The following FCER2 variants were observed in gnomAD, a reference collection of about 807,000 sequenced individuals.
The protein encoded by FCER2 is low affinity immunoglobulin epsilon Fc receptor.
In FCER2, 38 loss-of-function variants were observed where a neutral mutation model predicts 49.7. The ratio of observed to expected loss-of-function variants is 0.76; its 90% CI spans 0.59 to 1.00. The LOEUF (loss-of-function observed/expected upper bound fraction) is 1.00, where lower values mean the gene tolerates loss of function less well. FCER2 is among the 50% of genes least tolerant of loss of function. FCER2 has a pLI of 0.00. For synonymous variants in FCER2, 163 were observed against 164.6 expected (o/e 0.99, Z 0.07); for missense variants, 425 against 419.5 (o/e 1.01, Z -0.11).
In FCER2 at chr19:7,697,216, C is replaced by T. The variant is rs571262008; in HGVS notation, c.316+20G>A. On this transcript the variant is annotated intron_variant, in intron 6 of 10. Transcript: ENST00000597921. ...CTTCCCACCCAATCTGGCTTCATAACCCCGATCCCAGTCTCTCACCCTGAG... is the reference window on the plus strand; with the variant it reads ...CTTCCCACCCAATCTGGCTTCATAATCCCGATCCCAGTCTCTCACCCTGAG... The T allele has an allele frequency of 1.2e-6, 2 of 1,613,688 alleles. No homozygotes were observed. The highest frequency in any genetic ancestry group is 4.5e-5 in the East Asian group (2 of 44,888).
rs2277993 is a variant in FCER2, at chr19:7,690,685, G to T, written c.470-128C>A. ...CGGCTAAAAGCAGACCCACCCCAGG[G>T]CCTAACAGACAGCCTCACGGGCTGT... is the stretch of plus-strand genomic sequence containing the variant. On this transcript the variant is annotated intron_variant, in intron 8 of 10. Coordinates refer to ENST00000597921, the MANE Select transcript of FCER2 (RefSeq NM_001220500.2). The T allele has an allele frequency of 3.8e-5, 33 of 873,130 alleles. No homozygotes were observed. In the Admixed American group the frequency reaches 8.0e-4, roughly 21 times the overall value. 54.1% of individuals were successfully genotyped at this position (873,130 alleles called of 1,614,324 possible).
chr19:7,691,242 G>A (rs553560233), intron 8 of FCER2, among the ~76,000 whole-genome samples: 2 of 151,748 alleles, frequency 1.3e-5, no homozygotes, highest in South Asian at 2.1e-4. Context: ...CAGCATCATC[G>A]CTACAAGCAC....
intron 8 of FCER2, among the ~76,000 whole-genome samples, chr19:7,693,209 G>GTCA (rs1281643123): frequency 6.6e-6 from 1 of 152,090 alleles, no homozygotes; most frequent in Non-Finnish European, 1.5e-5. Flanking sequence ...AACAGCCCTG[G>GTCA]TCATCATCAC....
At chr19:7,691,777 A>G (rs1032311209) in intron 8 of FCER2, among the ~76,000 whole-genome samples, 16 of 151,386 alleles carry the variant, frequency 1.1e-4, no homozygotes, top group Non-Finnish European at 2.2e-4. Flanking sequence ...ATCATCATAA[A>G]TACACCCATG....
chr19:7,691,679 AC>A (rs1258604081), intron 8 of FCER2, among the ~76,000 whole-genome samples: 2 of 152,106 alleles, frequency 1.3e-5, no homozygotes, highest in Non-Finnish European at 2.9e-5. Context: ...CAAAAATGCC[AC>A]CAACACCATC....
At chr19:7,698,455 G>C in intron 3 of FCER2, 46 bp from the exon 4 acceptor site, 6 of 1,411,700 alleles carry the variant, frequency 4.3e-6, no homozygotes, top group Non-Finnish European at 6.0e-6. Context: ...GATTGTCAGT[G>C]CCCCCACCTG....
chr19:7,699,310 T>G, intron 2 of FCER2: 1 of 994,578 alleles, frequency 1.0e-6, no homozygotes. Flanking sequence ...CCTCCAAACC[T>G]CTCCCAGACC....
At chr19:7,695,587 GCAA>G (rs2032989227) in intron 8 of FCER2, among the ~76,000 whole-genome samples, 1 of 151,904 alleles carries the variant, frequency 6.6e-6, no homozygotes, top group African/African-American at 2.4e-5. Context: ...ACCAGCCTGG[GCAA>G]CATAGCGAGA....
At chr19:7,699,588 G>C in intron 2 of FCER2, 151 bp downstream of exon 2, 1 of 1,163,594 alleles carries the variant, frequency 8.6e-7, no homozygotes, top group Non-Finnish European at 1.2e-6. Flanking sequence ...AAGTCAGTCC[G>C]GCCTCACCTC....
In FCER2 at chr19:7,688,905, G is replaced by A. The variant is rs549799511; in HGVS notation, c.*288C>T. ...CATCTGGAGAGGGTGCTGTTGGGGTGTACTCTCATCTGGAGAGGGTGCTGT... is the reference window on the plus strand; with the variant it reads ...CATCTGGAGAGGGTGCTGTTGGGGTATACTCTCATCTGGAGAGGGTGCTGT... On this transcript the variant is annotated 3_prime_UTR_variant, in exon 11 of 11. Transcript: ENST00000597921. The A allele has an allele frequency of 9.1e-6, 4 of 439,114 alleles. No individual in the cohort carries two copies. In the Admixed American group the frequency reaches 1.2e-4, roughly 13 times the overall value. The allele number at this position is 439,114 out of a possible 1,614,324, so 27.2% of individuals were successfully genotyped here.
chr19:7,695,678 A>C (rs766602802), intron 8 of FCER2, among the ~76,000 whole-genome samples: 2 of 152,150 alleles, frequency 1.3e-5, no homozygotes, highest in Non-Finnish European at 2.9e-5. Context: ...GCACTTTGGG[A>C]GACTGAGGCG....
At position 7,698,773 on chromosome 19, in the gene FCER2, C is replaced by T. The variant is rs762556859; in HGVS notation, c.104G>A (p.Trp35Ter). ...VLLGLVTAALWAGLLTLLLLW... is the reference protein window; with the variant it reads ...VLLGLVTAAL ...GAGAAGCAGAGTCAGCAGCCCAGCC[C>T]ACAGAGCGGCGGTCACCAGCCCCAG... is the stretch of plus-strand genomic sequence containing the variant. The change falls in exon 3 of 11, where the codon TGG (tryptophan) becomes TAG (stop). Residue 35 changes from tryptophan (W) to a stop codon, truncating the protein, a stop_gained. Coordinates refer to ENST00000597921, the MANE Select transcript of FCER2 (RefSeq NM_001220500.2). LOFTEE classifies it high-confidence loss of function. 6.2e-7 allele frequency: 1 copy of T among 1,613,134 alleles called. No individual in the cohort carries two copies. The highest frequency in any genetic ancestry group is 8.5e-7 in the Non-Finnish European group (1 of 1,179,632).
chr19:7,695,581 G>A (rs1274054260), intron 8 of FCER2, among the ~76,000 whole-genome samples: 1 of 151,922 alleles, frequency 6.6e-6, no homozygotes, highest in African/African-American at 2.4e-5. Flanking sequence ...TTCAGGACCA[G>A]CCTGGGCAAC....
chr19:7,696,788 G>A (rs1434911184), intron 8 of FCER2, 37 bp downstream of exon 8: 2 of 1,497,814 alleles, frequency 1.3e-6, no homozygotes, highest in Admixed American at 2.0e-5. Flanking sequence ...CCCAGGTGAG[G>A]TCACGCGTCG....
intron 8 of FCER2, among the ~76,000 whole-genome samples, chr19:7,693,430 C>G (rs12982518): frequency 0.5 from 74,799 of 150,044 alleles, 18,687 homozygotes; most frequent in Middle Eastern, 0.54. Flanking sequence ...GTTAAACCCA[C>G]TCTTACTGGA....
At chr19:7,690,056 A>C (rs4996978) in intron 10 of FCER2, 103 bp downstream of exon 10, 232,008 of 770,872 alleles carry the variant, frequency 0.3, 40,112 homozygotes, top group African/African-American at 0.59. Context: ...AGAGACCCTT[A>C]TCTCTGAGCC....
chr19:7,698,552 G>C, intron 3 of FCER2, 143 bp from the exon 4 acceptor site: 1 of 868,548 alleles, frequency 1.2e-6, no homozygotes, highest in South Asian at 1.6e-5. Flanking sequence ...GATGCTGGGT[G>C]TGGGGTGAGG....
intron 1 of FCER2, among the ~76,000 whole-genome samples, chr19:7,700,661 C>G (rs376750001): frequency 6.6e-6 from 1 of 151,444 alleles, no homozygotes; most frequent in Non-Finnish European, 1.5e-5. Context: ...ACTATAGGCA[C>G]GTGCCACCAT....
At position 7,689,269 on chromosome 19, in the gene FCER2, G is replaced by T; in HGVS notation, c.890C>A (p.Ala297Glu). ...TCTTGAATCAGGTCCCATGGACTCC[G>T]CGGAACCTTCGCTGGCTGGCGGCGT... is the stretch of plus-strand genomic sequence containing the variant. The part of the protein sequence containing the change: ...TCTPPASEGS[A>E]ESMGPDSRPD... The change falls in exon 11 of 11, where the codon GCG becomes GAG. Residue 297 changes from alanine to glutamate, a missense_variant. By Grantham distance (107) the Ala-to-Glu change is moderately radical (BLOSUM62 -1). Transcript: ENST00000597921. 1 of 1,613,824 alleles carries T rather than the reference G, an allele frequency of 6.2e-7. No individual in the cohort carries two copies. The highest frequency in any genetic ancestry group is 8.5e-7 in the Non-Finnish European group (1 of 1,179,902).
Sources: gnomAD v4.1 joint callset for allele counts (sites outside exome capture counted in the v4.1 genomes callset) on GRCh38, gnomAD v4.1.1 for gene constraint, MANE v1.5 for transcripts, NCBI Gene and HGNC (gene_info 2026-07-23, HGNC 2026-07-21) for gene names.